The following SYNPO2 variants were observed in gnomAD, a reference collection of about 807,000 sequenced individuals.
SYNPO2 encodes the protein synaptopodin-2.
SYNPO2 carries 56 observed loss-of-function variants against 85.0 expected under a neutral mutation model. That is an observed-to-expected ratio of 0.66 (90% CI 0.53 to 0.82). SYNPO2 has a LOEUF of 0.82. Among genes scored for constraint, SYNPO2 ranks in the 40% least tolerant of loss-of-function variants. The pLI is 0.00. For synonymous variants in SYNPO2, 602 were observed against 591.1 expected, an observed-to-expected ratio of 1.02 and a Z score of -0.27; for missense variants, 1,575 against 1,534.2, an observed-to-expected ratio of 1.03 and a Z score of -0.44.
intron 1 of SYNPO2, among the ~76,000 whole-genome samples, chr4:118,949,311 A>G (rs1156262214): frequency 1.3e-5 from 2 of 152,230 alleles, no homozygotes; most frequent in Admixed American, 1.3e-4. Context: ...CTAGGAAGTA[A>G]TAATGAAAAA....
chr4:119,047,415 G>A (rs915253168), intron 4 of SYNPO2, among the ~76,000 whole-genome samples: 1 of 152,142 alleles, frequency 6.6e-6, no homozygotes, highest in African/African-American at 2.4e-5. Flanking sequence ...TCAAAAATAT[G>A]GTTTATTAGT....
chr4:118,985,127 G>A (rs948682913), intron 1 of SYNPO2, among the ~76,000 whole-genome samples: 3 of 152,154 alleles, frequency 2.0e-5, no homozygotes, highest in South Asian at 2.1e-4. Context: ...GATTAAATAC[G>A]TATCCCAAGT....
chr4:118,891,332 T>C (rs969687960), intron 1 of SYNPO2, among the ~76,000 whole-genome samples: 10 of 152,204 alleles, frequency 6.6e-5, no homozygotes, highest in Non-Finnish European at 1.3e-4. Flanking sequence ...AATTTTTGTG[T>C]GTTTGTGTGT....
chr4:119,057,304 T>A, intron 4 of SYNPO2, 97 bp from the exon 5 acceptor site: 2 of 1,211,312 alleles, frequency 1.7e-6, no homozygotes, highest in Non-Finnish European at 2.2e-6. Flanking sequence ...TATTTTTTAT[T>A]TTTGCAGTGC....
intron 1 of SYNPO2, among the ~76,000 whole-genome samples, chr4:118,916,393 G>A (rs575994463): frequency 2.6e-5 from 4 of 151,644 alleles, no homozygotes; most frequent in South Asian, 2.1e-4. Context: ...GGCTGGTCTC[G>A]ACCTCCTGGG....
intron 1 of SYNPO2, among the ~76,000 whole-genome samples, chr4:118,867,100 T>G (rs1271003729): frequency 6.6e-6 from 1 of 152,192 alleles, no homozygotes; most frequent in African/African-American, 2.4e-5. Context: ...CACCCATTCA[T>G]TCACATATTG....
intron 1 of SYNPO2, among the ~76,000 whole-genome samples, chr4:118,968,274 A>T (rs559299738): frequency 1.1e-3 from 166 of 152,356 alleles, no homozygotes; most frequent in African/African-American, 3.8e-3. Flanking sequence ...AGGCCCTTGC[A>T]CTTGCTAATG....
chr4:119,028,223 T>C (rs63300060), intron 3 of SYNPO2, among the ~76,000 whole-genome samples: 1 of 21,166 alleles, frequency 4.7e-5, no homozygotes, highest in Admixed American at 5.6e-4. Flanking sequence ...TTTTTGTTTG[T>C]TTTTTTTTTT....
intron 4 of SYNPO2, among the ~76,000 whole-genome samples, chr4:119,054,773 G>A (rs543810313): frequency 1.3e-5 from 2 of 152,190 alleles, no homozygotes; most frequent in South Asian, 2.1e-4. Context: ...GGGCAAACAG[G>A]AATAGAAGTT....
intron 1 of SYNPO2, among the ~76,000 whole-genome samples, chr4:118,870,573 A>C (rs1214995840): frequency 6.6e-6 from 1 of 152,226 alleles, no homozygotes; most frequent in East Asian, 1.9e-4. Context: ...TTGCTGGGTC[A>C]AATGGCATTT....
intron 1 of SYNPO2, among the ~76,000 whole-genome samples, chr4:118,876,679 T>TCCTTTC (rs1731922828): frequency 3.8e-4 from 8 of 21,064 alleles, no homozygotes; most frequent in African/African-American, 1.6e-3. Context: ...CTTTCTTTCT[T>TCCTTTC]TCTTTCTTTC....
intron 1 of SYNPO2, among the ~76,000 whole-genome samples, chr4:118,991,585 T>C (rs1326629037): frequency 1.3e-5 from 2 of 152,198 alleles, no homozygotes; most frequent in East Asian, 1.9e-4. Context: ...GATTAGACTT[T>C]GGGAGACAGA....
At chr4:119,036,247 T>C in intron 4 of SYNPO2, 1 of 985,438 alleles carries the variant, frequency 1.0e-6, no homozygotes, top group Non-Finnish European at 1.2e-6. Flanking sequence ...AGGGAAGTCG[T>C]GGGGCGTGTG....
intron 1 of SYNPO2, among the ~76,000 whole-genome samples, chr4:119,012,519 G>A (rs1737359743): frequency 6.6e-6 from 1 of 151,910 alleles, no homozygotes; most frequent in Non-Finnish European, 1.5e-5. Context: ...GCATGGATTA[G>A]GTATTTGTCC....
At chr4:119,023,784 G>A (rs1021738689) in intron 2 of SYNPO2, among the ~76,000 whole-genome samples, 7 of 152,190 alleles carry the variant, frequency 4.6e-5, no homozygotes, top group Admixed American at 2.6e-4. Context: ...TGAGAATTAA[G>A]TTGAAAATGC....
At chr4:118,927,802 A>G in intron 1 of SYNPO2, among the ~76,000 whole-genome samples, 1 of 150,922 alleles carries the variant, frequency 6.6e-6, no homozygotes, top group Non-Finnish European at 1.5e-5. Context: ...AGATAGATAG[A>G]TAGATATCAT....
At chr4:118,898,456 T>C (rs1391902823) in intron 1 of SYNPO2, among the ~76,000 whole-genome samples, 3 of 152,196 alleles carry the variant, frequency 2.0e-5, no homozygotes, top group Non-Finnish European at 1.5e-5. Flanking sequence ...TATCACTGCT[T>C]AAAATACTTC....
rs1160598427 is a variant in SYNPO2 at position 119,061,088 on chromosome 4, C to T, written c.*3154C>T. The T allele has an allele frequency of 6.6e-6, 1 of 151,982 alleles. No individual in the cohort carries two copies. The highest frequency in any genetic ancestry group is 1.5e-5 in the Non-Finnish European group (1 of 67,988). 9.4% of individuals were successfully genotyped at this position (151,982 alleles called of 1,614,324 possible). ...TCACATTAGATTTCTATTCAAAGTA[C>T]TAATATCTACATGGTCCACACTTTT... On this transcript the variant is annotated 3_prime_UTR_variant, in exon 5 of 5. Coordinates refer to ENST00000307142, the MANE Select transcript of SYNPO2 (RefSeq NM_133477.3).
At chr4:118,901,118 CA>C (rs911728063) in intron 1 of SYNPO2, among the ~76,000 whole-genome samples, 2 of 151,912 alleles carry the variant, frequency 1.3e-5, no homozygotes, top group African/African-American at 4.8e-5. Context: ...ACAGTACTTG[CA>C]AAAAAATACA....
Sources: allele counts gnomAD v4.1 joint callset (sites outside exome capture counted in the v4.1 genomes callset), GRCh38; gene constraint gnomAD v4.1.1; transcripts MANE v1.5; gene names NCBI Gene and HGNC (gene_info 2026-07-23, HGNC 2026-07-21).